KLF3: variants seen among roughly 807,000 people sequenced by gnomAD.
KLF3 encodes the protein Krueppel-like factor 3.
KLF3 carries 6 observed loss-of-function variants against 32.7 expected under a neutral mutation model. The observed-to-expected ratio is 0.18, with a 90% CI of 0.10 to 0.36. The LOEUF is 0.36. KLF3 is among the 10% of genes least tolerant of loss of function. The probability of loss-of-function intolerance (pLI) is 1.00; values close to 1 mark genes in which losing one functional copy is unlikely to be tolerated. For missense variants in KLF3, 338 were observed against 449.7 expected (o/e 0.75, Z 2.25); for synonymous variants, 145 against 172.8 (o/e 0.84, Z 1.26).
intron 4 of KLF3, 140 bp downstream of exon 4, chr4:38,690,019 T>G: frequency 4.3e-6 from 3 of 695,086 alleles, no homozygotes; most frequent in Non-Finnish European, 7.1e-6. Context: ...ACTGGTCCAG[T>G]ACCACTGGTC....
chr4:38,671,835 G>A lies in KLF3; in HGVS notation c.-40+7374G>A, dbSNP rs554375213. On this transcript the variant is annotated intron_variant, in intron 1 of 5. Coordinates refer to ENST00000261438, the MANE Select transcript of KLF3 (RefSeq NM_016531.6). This position sits in a 1 kb window ranked among gnomAD's most constrained non-coding sequence, Gnocchi z 4.4. ...GGCAGGAAACCTGTGACATCACTTAGCCCCTTGCCTTCCTTGATCCCTTTT... is the reference window on the plus strand; with the variant it reads ...GGCAGGAAACCTGTGACATCACTTAACCCCTTGCCTTCCTTGATCCCTTTT... Among the ~76,000 whole-genome samples, 175 of 152,292 alleles carry A rather than the reference G, an allele frequency of 1.1e-3. 1 individual carries two copies. Among genetic ancestry groups the A allele is most frequent in the South Asian group, 2.1e-3 (10 of 4,826 alleles).
rs1723122278 is a variant in KLF3, at chr4:38,698,817, G to C, written c.*1554G>C. On this transcript the variant is annotated 3_prime_UTR_variant, in exon 6 of 6. Transcript: ENST00000261438. ...CTGAATTTGAAGAAAGTGAGCAACAGTAGTTAAATGTGGGTGCATATAACC... is the reference window on the plus strand; with the variant it reads ...CTGAATTTGAAGAAAGTGAGCAACACTAGTTAAATGTGGGTGCATATAACC... The C allele has an allele frequency of 6.6e-6, 1 of 152,206 alleles. No homozygotes were observed. Among genetic ancestry groups the C allele is most frequent in the South Asian group, 2.1e-4 (1 of 4,832 alleles). 9.4% of individuals were successfully genotyped at this position (152,206 alleles called of 1,614,324 possible).
chr4:38,677,878 A>AGTGTGT (rs56675939), intron 1 of KLF3, among the ~76,000 whole-genome samples: 8,753 of 146,232 alleles, frequency 0.06, 289 homozygotes, highest in Middle Eastern at 0.13. Flanking sequence ...GGGCAAAAGG[A>AGTGTGT]GTGTGTGTGT....
Position 38,701,501 on chromosome 4 carries a change from ACT to A in KLF3, c.*4241_*4242del, listed in dbSNP as rs766391890. Among the ~76,000 whole-genome samples the A allele has an allele frequency of 4.6e-5, 7 of 152,308 alleles. No homozygotes were observed. Among genetic ancestry groups the A allele is most frequent in the African/African-American group, 7.2e-5 (3 of 41,560 alleles). On this transcript the variant is annotated 3_prime_UTR_variant, in exon 6 of 6. Coordinates refer to ENST00000261438, the MANE Select transcript of KLF3 (RefSeq NM_016531.6). ...GAACAATAACGCATTAAAGTAAATA[ACT>A]CTGGATAAAAGTAATTATTTTTCAA...
Position 38,674,040 on chromosome 4 carries a change from T to A in KLF3, c.-39-6547T>A, listed in dbSNP as rs144115011. ...ATAATACACATTAATGCAAAATAAC[T>A]AATTCATGAGGGGCGAAGATTTAGA... On this transcript the variant is annotated intron_variant, in intron 1 of 5. Coordinates refer to ENST00000261438, the MANE Select transcript of KLF3 (RefSeq NM_016531.6). The surrounding 1 kb of genome is among the most constrained non-coding windows in gnomAD (Gnocchi z 4.1). 7.9e-4 allele frequency among the ~76,000 whole-genome samples: 121 copies of A among 152,312 alleles called. 1 individual carries two copies. The highest frequency in any genetic ancestry group is 2.6e-3 in the African/African-American group (110 of 41,556).
At position 38,688,491 on chromosome 4, in the gene KLF3, G is replaced by T. The variant is rs2109251649; in HGVS notation, c.58-94G>T. The T allele has an allele frequency of 8.0e-7, 1 of 1,254,732 alleles. No homozygotes were observed. Among genetic ancestry groups the T allele is most frequent in the Non-Finnish European group, 1.1e-6 (1 of 905,122 alleles). 77.7% of individuals were successfully genotyped at this position (1,254,732 alleles called of 1,614,324 possible). On this transcript the variant is annotated intron_variant, in intron 2 of 5. Coordinates refer to ENST00000261438, the MANE Select transcript of KLF3 (RefSeq NM_016531.6). The surrounding 1 kb of genome is among the most constrained non-coding windows in gnomAD (Gnocchi z 4.9). The stretch of plus-strand genomic sequence containing the variant: ...ACTATTTTGTAAAGCCCATGTAATT[G>T]TTAAGTGCCTTGTTAGCATATTTTT...
At chr4:38,666,645 T>A (rs572752126) in intron 1 of KLF3, among the ~76,000 whole-genome samples, 27 of 152,368 alleles carry the variant, frequency 1.8e-4, no homozygotes, top group Non-Finnish European at 3.7e-4. Context: ...ATCACATTCT[T>A]AAAAGGCGAA....
intron 1 of KLF3, among the ~76,000 whole-genome samples, chr4:38,665,171 A>T (rs956563839): frequency 6.6e-6 from 1 of 152,156 alleles, no homozygotes; most frequent in Non-Finnish European, 1.5e-5. Context: ...CCTCCGGGGC[A>T]GGAGAAATGA....
intron 2 of KLF3, among the ~76,000 whole-genome samples, chr4:38,686,167 G>A (rs1722688954): frequency 6.6e-6 from 1 of 152,022 alleles, no homozygotes; most frequent in Admixed American, 6.6e-5. Context: ...AAAACTGGCT[G>A]CGCGTGGTGG....
chr4:38,687,012 C>T (rs1722723643), intron 2 of KLF3, among the ~76,000 whole-genome samples: 4 of 134,094 alleles, frequency 3.0e-5, no homozygotes. Context: ...CCACTGCTGC[C>T]CCACAGTCAT....
chr4:38,673,409 A>G (rs1722256399), intron 1 of KLF3, among the ~76,000 whole-genome samples: 2 of 152,220 alleles, frequency 1.3e-5, no homozygotes, highest in Admixed American at 6.5e-5. Context: ...GGATTTGATT[A>G]TATAACACTT....
Position 38,700,121 on chromosome 4 carries a change from A to C in KLF3, c.*2858A>C, listed in dbSNP as rs939967559. Reference sequence around the variant, plus strand: ...TCCATCGTATTTTAGAGTTATGTGAATCTACATCATAAATGGGCATTAACA... The same window carrying C: ...TCCATCGTATTTTAGAGTTATGTGACTCTACATCATAAATGGGCATTAACA... On this transcript the variant is annotated 3_prime_UTR_variant, in exon 6 of 6. Transcript: ENST00000261438. 4 of 152,246 alleles carry C rather than the reference A, an allele frequency of 2.6e-5. No homozygotes were observed. The highest frequency in any genetic ancestry group is 5.9e-5 in the Non-Finnish European group (4 of 68,048). The allele number at this position is 152,246 out of a possible 1,614,324, so 9.4% of individuals were successfully genotyped here.
intron 4 of KLF3, among the ~76,000 whole-genome samples, chr4:38,693,113 T>C: frequency 2.0e-5 from 1 of 49,496 alleles, no homozygotes; most frequent in Non-Finnish European, 4.4e-5. Context: ...TGTACATATA[T>C]ATACATATAT....
At position 38,694,866 on chromosome 4, in the gene KLF3, T is replaced by G. The variant is rs1389373491; in HGVS notation, c.816T>G (p.Thr272=). 1.2e-6 allele frequency: 2 copies of G among 1,605,758 alleles called. No individual in the cohort carries two copies. ...ATGATGGATGCAACAAAGTGTACAC[T>G]AAAAGCTCCCACTTGAAAGCACACA... ...CDYDGCNKVY[T]KSSHLKAHRR... is the part of the protein sequence containing the mutation. The change falls in exon 5 of 6, where the codon ACT becomes ACG. Residue 272 remains threonine, a synonymous_variant. Transcript: ENST00000261438.
At chr4:38,689,157 C>A in intron 3 of KLF3, 86 bp downstream of exon 3, 8 of 1,516,042 alleles carry the variant, frequency 5.3e-6, no homozygotes, top group Non-Finnish European at 7.2e-6. Flanking sequence ...AGCATGGGGG[C>A]AAGAGCTGTT....
intron 4 of KLF3, among the ~76,000 whole-genome samples, chr4:38,691,955 A>C (rs898404854): frequency 6.6e-6 from 1 of 152,246 alleles, no homozygotes; most frequent in African/African-American, 2.4e-5. Flanking sequence ...AGGCAGACTT[A>C]AAAGTACAGC....
At position 38,697,295 on chromosome 4, in the gene KLF3, C is replaced by T. The variant is rs757834451; in HGVS notation, c.*32C>T. 1.4e-5 allele frequency: 22 copies of T among 1,554,662 alleles called. No individual in the cohort carries two copies. Among genetic ancestry groups the T allele is most frequent in the Non-Finnish European group, 1.9e-5 (22 of 1,144,636 alleles). ...CTGTGTCCTGCCTCAGCGTGACTCC[C>T]CACTCACCTGGCTCTCTCTCTGTCC... On this transcript the variant is annotated 3_prime_UTR_variant, in exon 6 of 6. Transcript: ENST00000261438.
rs565902725 is a variant in KLF3 at position 38,668,544 on chromosome 4, A to C, written c.-40+4083A>C. ...TAGTATCAAATAGTTGGCTACTGATAACCTTCTATGAAAAAAGCTGGGAGT... is the reference window on the plus strand; with the variant it reads ...TAGTATCAAATAGTTGGCTACTGATCACCTTCTATGAAAAAAGCTGGGAGT... On this transcript the variant is annotated intron_variant, in intron 1 of 5. Coordinates refer to ENST00000261438, the MANE Select transcript of KLF3 (RefSeq NM_016531.6). Among the ~76,000 whole-genome samples the C allele has an allele frequency of 5.9e-5, 9 of 152,356 alleles. No homozygotes were observed. The South Asian group carries it at 1.9e-3, about 32-fold the overall frequency.
intron 2 of KLF3, 107 bp downstream of exon 2, chr4:38,680,789 G>T: frequency 1.2e-6 from 1 of 828,898 alleles, no homozygotes; most frequent in Non-Finnish European, 2.0e-6. Flanking sequence ...GGTGGCTCAC[G>T]CCTGTAATCC....
Sources: allele counts gnomAD v4.1 joint callset (sites outside exome capture counted in the v4.1 genomes callset), GRCh38; gene constraint gnomAD v4.1.1; non-coding constraint Gnocchi (gnomAD v3.1); transcripts MANE v1.5; gene names NCBI Gene and HGNC (gene_info 2026-07-23, HGNC 2026-07-21).